IPO11: variants seen among roughly 807,000 people sequenced by gnomAD.
IPO11 encodes the protein importin-11.
Under a neutral mutation model 143.2 loss-of-function variants are expected in IPO11, and 66 were observed. That is an observed-to-expected ratio of 0.46 (90% CI 0.38 to 0.57). The LOEUF (loss-of-function observed/expected upper bound fraction) is 0.57, where lower values mean the gene tolerates loss of function less well. Among genes scored for constraint, IPO11 ranks in the 20% least tolerant of loss-of-function variants. IPO11 has a pLI of 0.00. For synonymous variants in IPO11, 385 were observed against 377.8 expected (o/e 1.02, Z -0.22); for missense variants, 1,026 against 1,141.0 (o/e 0.90, Z 1.45).
At chr5:62,462,246 A>G (rs1260012470) in intron 5 of IPO11, among the ~76,000 whole-genome samples, 1 of 152,214 alleles carries the variant, frequency 6.6e-6, no homozygotes, top group Non-Finnish European at 1.5e-5. Flanking sequence ...ATGGAACAGA[A>G]TAGAATTTTT....
In IPO11 at chr5:62,445,820, A is replaced by T. The variant is rs180881226; in HGVS notation, c.239+2737A>T. 3.2e-4 allele frequency among the ~76,000 whole-genome samples: 48 copies of T among 152,282 alleles called. 1 individual carries two copies. The East Asian group carries it at 8.7e-3, about 28-fold the overall frequency. ...ATTTTGTATTTACTGTGGGTTTTTC[A>T]GGTGGTAACCCCATCGTAAGTCAGT... On this transcript the variant is annotated intron_variant, in intron 3 of 29. Coordinates refer to ENST00000325324, the MANE Select transcript of IPO11 (RefSeq NM_016338.5).
In IPO11 at chr5:62,441,136, T is replaced by C. The variant is rs145364660; in HGVS notation, c.139-1847T>C. Among the ~76,000 whole-genome samples the C allele has an allele frequency of 2.9e-3, 439 of 152,302 alleles. 6 individuals are homozygous for C. The highest frequency in any genetic ancestry group is 0.01 in the African/African-American group (419 of 41,570). ...ATTATTATTATTTGGATTAACATAA[T>C]GCATACTTTTTTTGAGTAATGGTTA... is the stretch of plus-strand genomic sequence containing the variant. On this transcript the variant is annotated intron_variant, in intron 2 of 29. Coordinates refer to ENST00000325324, the MANE Select transcript of IPO11 (RefSeq NM_016338.5).
At chr5:62,499,569 C>CTTTTTTTTT (rs35545041) in intron 16 of IPO11, among the ~76,000 whole-genome samples, 3 of 100,104 alleles carry the variant, frequency 3.0e-5, no homozygotes, top group African/African-American at 3.8e-5. Context: ...CTTACTCTAA[C>CTTTTTTTTT]TTTTTTTTTT....
intron 26 of IPO11, among the ~76,000 whole-genome samples, chr5:62,551,982 G>A (rs572245425): frequency 1.3e-5 from 2 of 152,224 alleles, no homozygotes; most frequent in African/African-American, 4.8e-5. Context: ...AAATTAGCCC[G>A]GCGCGGTTGC....
At chr5:62,554,386 C>G (rs1743496853) in intron 26 of IPO11, among the ~76,000 whole-genome samples, 1 of 152,016 alleles carries the variant, frequency 6.6e-6, no homozygotes, top group Middle Eastern at 3.2e-3. Flanking sequence ...CTTATGTTTT[C>G]TTCTAGTAAT....
chr5:62,551,019 G>GTA (rs373267363), intron 25 of IPO11, among the ~76,000 whole-genome samples: 78,163 of 144,120 alleles, frequency 0.54, 21,040 homozygotes, highest in African/African-American at 0.62. Context: ...TCTCTTTATT[G>GTA]TATATATATA....
intron 23 of IPO11, 152 bp downstream of exon 23, chr5:62,536,933 A>G (rs1742755114): frequency 1.0e-6 from 1 of 978,152 alleles, no homozygotes; most frequent in East Asian, 3.1e-5. Flanking sequence ...ATTGCAGGGC[A>G]GATGTGCTGC....
chr5:62,483,444 G>A, intron 10 of IPO11, 151 bp downstream of exon 10: 3 of 569,046 alleles, frequency 5.3e-6, no homozygotes, highest in Middle Eastern at 4.8e-4. Context: ...ATAGGCTTTA[G>A]TATGTTTATA....
At chr5:62,507,663 T>C (rs1035345637) in intron 19 of IPO11, among the ~76,000 whole-genome samples, 1 of 152,230 alleles carries the variant, frequency 6.6e-6, no homozygotes, top group Non-Finnish European at 1.5e-5. Flanking sequence ...AAGATTTGGC[T>C]ATTTTCTGTA....
At chr5:62,439,284 G>GTTTTTTTTTT (rs1226593063) in intron 2 of IPO11, among the ~76,000 whole-genome samples, 3 of 90,924 alleles carry the variant, frequency 3.3e-5, no homozygotes, top group African/African-American at 4.4e-5. Context: ...AACTGCGTAG[G>GTTTTTTTTTT]TTTTTTTTTT....
rs376402581 is a variant in IPO11, at chr5:62,574,736, A to G, written c.2582+13479A>G. 1.2e-4 allele frequency among the ~76,000 whole-genome samples: 19 copies of G among 152,338 alleles called. No individual in the cohort carries two copies. The East Asian group carries it at 2.1e-3, about 17-fold the overall frequency. On this transcript the variant is annotated intron_variant, in intron 27 of 29. Coordinates refer to ENST00000325324, the MANE Select transcript of IPO11 (RefSeq NM_016338.5). ...ATGAGGATGGTACCTAAAATTGTCC[A>G]TGGAAATAAAATATGCTTCTCAGAA...
chr5:62,449,518 T>G (rs897042197), intron 3 of IPO11, among the ~76,000 whole-genome samples: 8 of 148,842 alleles, frequency 5.4e-5, no homozygotes, highest in Non-Finnish European at 1.2e-4. Flanking sequence ...TTAGCTGTGT[T>G]TTTTTTTTTC....
chr5:62,627,295 C>T lies in IPO11; in HGVS notation c.2905C>T (p.Gln969Ter). Residue 969 changes from glutamine to a stop codon, truncating the protein, a stop_gained, in exon 30 of 30, where the codon CAG (glutamine) becomes TAG (stop). Transcript: ENST00000325324. LOFTEE classifies it high-confidence loss of function. The stretch of plus-strand genomic sequence containing the variant: ...GGATACGGAGATTGTCACCCAGCTA[C>T]AGGAGTTTTTGCAAGGATTCTAAGA... ...TVDTEIVTQL[Q>*]EFLQGF 6.2e-7 allele frequency: 1 copy of T among 1,613,784 alleles called. No individual in the cohort carries two copies. The highest frequency in any genetic ancestry group is 8.5e-7 in the Non-Finnish European group (1 of 1,179,798).
At chr5:62,455,007 G>T (rs1363890544) in intron 5 of IPO11, among the ~76,000 whole-genome samples, 1 of 152,106 alleles carries the variant, frequency 6.6e-6, no homozygotes, top group Non-Finnish European at 1.5e-5. Flanking sequence ...CTGGAGATAG[G>T]GACTAAAGTA....
At chr5:62,587,767 C>G (rs899295500) in intron 27 of IPO11, among the ~76,000 whole-genome samples, 1 of 152,140 alleles carries the variant, frequency 6.6e-6, no homozygotes, top group Non-Finnish European at 1.5e-5. Flanking sequence ...GTTATAAGCA[C>G]TTTCCTTGTG....
At position 62,521,236 on chromosome 5, in the gene IPO11, G is replaced by C. The variant is rs554580564; in HGVS notation, c.1897-4906G>C. Among the ~76,000 whole-genome samples the C allele has an allele frequency of 4.6e-5, 7 of 152,266 alleles. No individual in the cohort carries two copies. In the East Asian group the frequency reaches 1.4e-3, roughly 29 times the overall value. ...ACATTCTTTTTCTGATGGCAGCCAT[G>C]AATGGCAGTAGCATTTTGCAAAAAT... On this transcript the variant is annotated intron_variant, in intron 20 of 29. Coordinates refer to ENST00000325324, the MANE Select transcript of IPO11 (RefSeq NM_016338.5).
intron 15 of IPO11, among the ~76,000 whole-genome samples, chr5:62,493,171 G>A (rs1402126680): frequency 1.3e-5 from 2 of 152,134 alleles, no homozygotes; most frequent in African/African-American, 4.8e-5. Flanking sequence ...CTGTTATTGT[G>A]TACCTCTTAC....
intron 24 of IPO11, among the ~76,000 whole-genome samples, chr5:62,540,524 G>T (rs1192045143): frequency 1.3e-5 from 2 of 152,172 alleles, no homozygotes; most frequent in African/African-American, 4.8e-5. Flanking sequence ...ATTTGGAATG[G>T]CCATTGTGAT....
chr5:62,610,236 C>T (rs1745878725), intron 29 of IPO11, among the ~76,000 whole-genome samples: 1 of 152,110 alleles, frequency 6.6e-6, no homozygotes, highest in Non-Finnish European at 1.5e-5. Context: ...TACTTTATTG[C>T]TTGCCATCTG....
Sources: allele counts gnomAD v4.1 joint callset (sites outside exome capture counted in the v4.1 genomes callset), GRCh38; gene constraint gnomAD v4.1.1; transcripts MANE v1.5; gene names NCBI Gene and HGNC (gene_info 2026-07-23, HGNC 2026-07-21).